REL: variants seen among roughly 807,000 people sequenced by gnomAD.
REL encodes the protein REL proto-oncogene, NF-kB subunit.
Under a neutral mutation model 45.9 loss-of-function variants are expected in REL, and 15 were observed. That is an observed-to-expected ratio of 0.33 (90% confidence interval 0.22 to 0.50). The LOEUF is 0.50. Ranked by LOEUF, REL falls within the 20% of genes least tolerant of loss-of-function variation. The pLI, the probability that REL is intolerant of heterozygous loss-of-function variation, is 0.98. For synonymous variants in REL, 239 were observed against 242.1 expected (o/e 0.99, Z 0.12); for missense variants, 601 against 715.2 (o/e 0.84, Z 1.82).
chr2:60,891,593 T>G (rs1673215756), intron 1 of REL, 90 bp from the exon 2 acceptor site: 1 of 1,139,646 alleles, frequency 8.8e-7, no homozygotes, highest in East Asian at 2.7e-5. Context: ...TTTGTTTTAG[T>G]CTGCTGTTAT....
chr2:60,905,529 C>T (rs186175402), intron 4 of REL, among the ~76,000 whole-genome samples: 50 of 152,218 alleles, frequency 3.3e-4, no homozygotes, highest in Admixed American at 7.2e-4. Context: ...GGTATGGGTC[C>T]TGGGAATCTA....
chr2:60,921,608 T>C (rs965436577), intron 9 of REL, among the ~76,000 whole-genome samples, 155 bp from the exon 10 acceptor site: 7 of 152,186 alleles, frequency 4.6e-5, no homozygotes, highest in Admixed American at 4.6e-4. Flanking sequence ...TGTAATAATT[T>C]TAGTGCTTTT....
chr2:60,892,108 C>G (rs1041773659), intron 2 of REL, among the ~76,000 whole-genome samples: 1 of 152,082 alleles, frequency 6.6e-6, no homozygotes, highest in Non-Finnish European at 1.5e-5. Flanking sequence ...ACACTGGCAA[C>G]TTTTGGATCA....
In REL at chr2:60,920,641, A is replaced by G. The variant is rs1400206371; in HGVS notation, c.990A>G (p.Lys330=). 2.5e-6 allele frequency: 4 copies of G among 1,580,454 alleles called. No homozygotes were observed. The highest frequency in any genetic ancestry group is 3.5e-6 in the Non-Finnish European group (4 of 1,151,446). Residue 330 remains lysine (K), a splice_region_variant and synonymous_variant, in exon 9 of 10, where the codon AAA becomes AAG. Transcript: ENST00000394479. ...GSIGEGRYFK[K]EPNLFSHDAV... ...TTGGAGAAGGAAGATACTTCAAAAA[A>G]GGTATTTTATTTCCTATAGCATATT...
In REL at chr2:60,919,948, C is replaced by T; in HGVS notation, c.854-93C>T. ...AACTTACATACATATTTATTGAAAA[C>T]ATTTTCTATATGTGAATAAAATATT... On this transcript the variant is annotated intron_variant, in intron 7 of 9. Coordinates refer to ENST00000394479, the MANE Select transcript of REL (RefSeq NM_001291746.2). 4 of 778,174 alleles carry T rather than the reference C, an allele frequency of 5.1e-6. No individual in the cohort carries two copies. The East Asian group carries it at 8.2e-5, about 16-fold the overall frequency. 48.2% of individuals were successfully genotyped at this position (778,174 alleles called of 1,614,324 possible).
At chr2:60,887,005 G>A (rs1673087698) in intron 1 of REL, among the ~76,000 whole-genome samples, 1 of 152,118 alleles carries the variant, frequency 6.6e-6, no homozygotes, top group Non-Finnish European at 1.5e-5. Flanking sequence ...AGACGTTTTG[G>A]TGCTTTTCAA....
intron 4 of REL, among the ~76,000 whole-genome samples, chr2:60,907,264 A>G (rs931228161): frequency 1.3e-5 from 2 of 151,994 alleles, no homozygotes; most frequent in South Asian, 2.1e-4. Flanking sequence ...AACTTTGATT[A>G]CATGTTTTTC....
intron 1 of REL, among the ~76,000 whole-genome samples, chr2:60,889,291 C>G (rs1673147330): frequency 6.6e-6 from 1 of 152,104 alleles, no homozygotes. Context: ...CTCTTTCGCT[C>G]TTATTTCCGC....
intron 3 of REL, among the ~76,000 whole-genome samples, chr2:60,898,557 T>C (rs868543686): frequency 6.6e-6 from 1 of 152,236 alleles, no homozygotes; most frequent in African/African-American, 2.4e-5. Context: ...GATTGCAGTT[T>C]AGCATTTGTG....
chr2:60,891,904 G>T (rs567502204), intron 2 of REL, 79 bp downstream of exon 2: 31 of 1,288,328 alleles, frequency 2.4e-5, no homozygotes, highest in South Asian at 1.6e-4. Flanking sequence ...TAAAGGGCCA[G>T]TTTCTTCACA....
Position 60,891,795 on chromosome 2 carries a change from A to G in REL, c.123A>G (p.Thr41=), listed in dbSNP as rs1170373557. 2 of 1,614,010 alleles carry G rather than the reference A, an allele frequency of 1.2e-6. No individual in the cohort carries two copies. Among genetic ancestry groups the G allele is most frequent in the East Asian group, 2.2e-5 (1 of 44,882 alleles). ...GCAGCATTCCAGGGGAGCACAGCACAGACAACAACCGAACATACCCTTCTA... is the reference window on the plus strand; with the variant it reads ...GCAGCATTCCAGGGGAGCACAGCACGGACAACAACCGAACATACCCTTCTA... ...SAGSIPGEHS[T]DNNRTYPSIQ... is the part of the protein sequence containing the mutation. Residue 41 remains threonine (T), a synonymous_variant, in exon 2 of 10, where the codon ACA becomes ACG. Transcript: ENST00000394479.
intron 1 of REL, among the ~76,000 whole-genome samples, chr2:60,887,670 C>T (rs1298507010): frequency 3.3e-5 from 5 of 149,818 alleles, no homozygotes; most frequent in Non-Finnish European, 6.0e-5. Flanking sequence ...TTACAGTATA[C>T]TGTGTTACTT....
In REL at chr2:60,922,104, A is replaced by G. The variant is rs780016091; in HGVS notation, c.1333A>G (p.Met445Val). Residue 445 changes from methionine to valine, a missense_variant, in exon 10 of 10, where the codon ATG becomes GTG. This residue lies in a region of REL where 334 missense variants were observed against 333.1 expected (regional missense o/e 1.00). Transcript: ENST00000394479. The stretch of plus-strand genomic sequence containing the variant: ...CATAGTCGGAATGGAAGCGTCATCC[A>G]TGCCATCAGCAGATTTATATGGTAT... ...DDIVGMEASS[M>V]PSADLYGISD... The G allele has an allele frequency of 6.2e-6, 10 of 1,614,192 alleles. No homozygotes were observed. Among genetic ancestry groups the G allele is most frequent in the Admixed American group, 3.3e-5 (2 of 60,022 alleles).
At chr2:60,887,157 C>G (rs1673091700) in intron 1 of REL, among the ~76,000 whole-genome samples, 1 of 152,178 alleles carries the variant, frequency 6.6e-6, no homozygotes, top group African/African-American at 2.4e-5. Context: ...TTGTGCAAAG[C>G]ACAGTACTGA....
chr2:60,910,928 T>A (rs1370200713), intron 4 of REL, among the ~76,000 whole-genome samples: 1 of 152,156 alleles, frequency 6.6e-6, no homozygotes, highest in Non-Finnish European at 1.5e-5. Context: ...TGAGACTCTG[T>A]CTCAAACAAA....
chr2:60,888,523 A>G (rs577690855), intron 1 of REL, among the ~76,000 whole-genome samples: 1 of 152,360 alleles, frequency 6.6e-6, no homozygotes, highest in African/African-American at 2.4e-5. Context: ...TGCAATGTGA[A>G]TTTGAAATCT....
At chr2:60,901,171 T>C in intron 4 of REL, 88 bp downstream of exon 4, 1 of 1,274,428 alleles carries the variant, frequency 7.8e-7, no homozygotes, top group Non-Finnish European at 1.0e-6. Context: ...TTTTTTTTTT[T>C]TTGAGACGGA....
chr2:60,882,536 G>C (rs867216826), intron 1 of REL, among the ~76,000 whole-genome samples: 1 of 152,106 alleles, frequency 6.6e-6, no homozygotes, highest in Non-Finnish European at 1.5e-5. Flanking sequence ...TCAGCGGGGC[G>C]TGGTGGCGCG....
intron 4 of REL, among the ~76,000 whole-genome samples, chr2:60,912,151 A>T (rs1351697426): frequency 6.6e-6 from 1 of 152,220 alleles, no homozygotes; most frequent in Non-Finnish European, 1.5e-5. Flanking sequence ...TATTAATACT[A>T]ATTAAGGCAG....
Sources: gnomAD v4.1 joint callset for allele counts (sites outside exome capture counted in the v4.1 genomes callset) on GRCh38, gnomAD v4.1.1 for gene constraint, gnomAD v4.1.1 regional missense constraint, MANE v1.5 for transcripts, NCBI Gene and HGNC (gene_info 2026-07-23, HGNC 2026-07-21) for gene names.